L3MBTL1: variants seen among roughly 807,000 people sequenced by gnomAD.
L3MBTL1 encodes lethal(3)malignant brain tumor-like protein 1.
L3MBTL1 carries 75 observed loss-of-function variants against 105.3 expected under a neutral mutation model. The observed-to-expected ratio is 0.71, with a 90% CI of 0.59 to 0.86. The LOEUF is 0.86. L3MBTL1 is among the 40% of genes least tolerant of loss of function. The pLI is 0.00. For synonymous variants in L3MBTL1, 452 were observed against 436.2 expected, an observed-to-expected ratio of 1.04 and a Z score of -0.45; for missense variants, 1,069 against 1,126.4, an observed-to-expected ratio of 0.95 and a Z score of 0.73.
At chr20:43,517,454 C>T (rs145860780) in intron 7 of L3MBTL1, among the ~76,000 whole-genome samples, 1 of 151,800 alleles carries the variant, frequency 6.6e-6, no homozygotes, top group East Asian at 2.0e-4. Context: ...CCCAAGCTGG[C>T]GTGTAGAGCT....
rs559747978 is a variant in L3MBTL1 at position 43,528,875 on chromosome 20, A to C, written c.951+130A>C. ...GGACTGGCAGAATGGAAAGGGAGAGACTGTTTAGGGGCCCAGAGTGGAAAA... is the reference window on the plus strand; with the variant it reads ...GGACTGGCAGAATGGAAAGGGAGAGCCTGTTTAGGGGCCCAGAGTGGAAAA... On this transcript the variant is annotated intron_variant, in intron 8 of 21. Transcript: ENST00000418998. 49 of 747,258 alleles carry C rather than the reference A, an allele frequency of 6.6e-5. No individual in the cohort carries two copies. In the East Asian group the frequency reaches 1.3e-3, roughly 20 times the overall value. 46.3% of individuals were successfully genotyped at this position (747,258 alleles called of 1,614,324 possible).
intron 1 of L3MBTL1, among the ~76,000 whole-genome samples, chr20:43,512,061 T>C (rs966422438): frequency 5.3e-5 from 8 of 152,178 alleles, no homozygotes; most frequent in African/African-American, 1.9e-4. Flanking sequence ...AGTGCTTTGA[T>C]TTTACTGTAA....
chr20:43,532,706 C>A (rs2019401244), intron 11 of L3MBTL1, 67 bp from the exon 12 acceptor site: 7 of 1,545,026 alleles, frequency 4.5e-6, no homozygotes, highest in Non-Finnish European at 5.3e-6. Flanking sequence ...CCTTTGTTTG[C>A]CAATGGGCTC....
chr20:43,529,314 G>A lies in L3MBTL1; in HGVS notation c.1002G>A (p.Leu334=). The A allele has an allele frequency of 6.2e-7, 1 of 1,613,452 alleles. No individual in the cohort carries two copies. Among genetic ancestry groups the A allele is most frequent in the South Asian group, 1.1e-5 (1 of 90,678 alleles). The change falls in exon 9 of 22, where the codon TTG becomes TTA. Residue 334 remains leucine (L), a synonymous_variant. Coordinates refer to ENST00000418998, the MANE Select transcript of L3MBTL1 (RefSeq NM_001377303.1). ...NKNGFKLGMK[L]EGIDPQHPSM... ...ATGGCTTCAAACTGGGCATGAAGTT[G>A]GAAGGCATTGACCCTCAACACCCGT...
At chr20:43,521,159 T>G (rs1406627170) in intron 7 of L3MBTL1, among the ~76,000 whole-genome samples, 1 of 152,240 alleles carries the variant, frequency 6.6e-6, no homozygotes, top group Non-Finnish European at 1.5e-5. Context: ...TGGCTAATCA[T>G]GCTCTATAGG....
rs578137621 is a variant in L3MBTL1 at position 43,514,273 on chromosome 20, G to A, written c.360+212G>A. On this transcript the variant is annotated intron_variant, in intron 3 of 21. Transcript: ENST00000418998. ...CTATGGGGGCGTGGCTTGGAGTGAG[G>A]CACTCTGGGACTGGGCCTGTGGGTG... 6.9e-4 allele frequency: 545 copies of A among 784,884 alleles called. 6 individuals are homozygous for A. Among genetic ancestry groups the A allele is most frequent in the South Asian group, 5.9e-3 (322 of 54,138 alleles). The allele number at this position is 784,884 out of a possible 1,614,324, so 48.6% of individuals were successfully genotyped here.
chr20:43,532,489 C>G, intron 11 of L3MBTL1: 2 of 359,368 alleles, frequency 5.6e-6, no homozygotes, highest in South Asian at 6.4e-5. Context: ...ATACTTGGTT[C>G]ACCAGGTTCT....
rs753010315 is a variant in L3MBTL1 at position 43,528,654 on chromosome 20, C to G, written c.863-3C>G. 2 of 1,613,334 alleles carry G rather than the reference C, an allele frequency of 1.2e-6. No homozygotes were observed. The highest frequency in any genetic ancestry group is 2.2e-5 in the South Asian group (2 of 91,066). ...AGTTAGCCTGTCTGTCCCCTTTCCA[C>G]AGCAACAGGTGAGAAGAAGGAATGC... On this transcript the variant is annotated splice_region_variant and splice_polypyrimidine_tract_variant and intron_variant, in intron 7 of 21. Coordinates refer to ENST00000418998, the MANE Select transcript of L3MBTL1 (RefSeq NM_001377303.1).
chr20:43,548,060 G>A (rs895295993), intron 18 of L3MBTL1: 34 of 888,338 alleles, frequency 3.8e-5, no homozygotes, highest in Middle Eastern at 2.9e-4. Context: ...CCCCTGCCCC[G>A]TGACCCTTTC....
chr20:43,548,083 T>C (rs1388978834), intron 18 of L3MBTL1: 2 of 1,287,790 alleles, frequency 1.6e-6, no homozygotes, highest in South Asian at 1.3e-5. Context: ...CCTTCTCCAC[T>C]TTCCACCTCC....
chr20:43,509,042 C>G (rs544621158), intron 1 of L3MBTL1, among the ~76,000 whole-genome samples: 43 of 152,332 alleles, frequency 2.8e-4, no homozygotes, highest in African/African-American at 1.0e-3. Flanking sequence ...GAAACCCAGA[C>G]TCTTCTGAGT....
At position 43,514,615 on chromosome 20, in the gene L3MBTL1, C is replaced by T; in HGVS notation, c.361-20C>T. The stretch of plus-strand genomic sequence containing the variant: ...GGACCCGTACGGGAGTCGCAATCCT[C>T]AGACCCTCCCGCGCTCCAGTTCCGG... On this transcript the variant is annotated intron_variant, in intron 3 of 21. Coordinates refer to ENST00000418998, the MANE Select transcript of L3MBTL1 (RefSeq NM_001377303.1). 1 of 1,598,604 alleles carries T rather than the reference C, an allele frequency of 6.3e-7. No individual in the cohort carries two copies. Among genetic ancestry groups the T allele is most frequent in the South Asian group, 1.1e-5 (1 of 88,622 alleles).
chr20:43,515,043 T>A lies in L3MBTL1; in HGVS notation c.537T>A (p.Asn179Lys), dbSNP rs1193908864. ...DHPQNPPEDP[N>K]QDPPEDDSTC... ...CCCAGAATCCTCCAGAAGATCCCAATCAGGACCCCCCAGAGGATGATAGCA... is the reference window on the plus strand; with the variant it reads ...CCCAGAATCCTCCAGAAGATCCCAAACAGGACCCCCCAGAGGATGATAGCA... The change falls in exon 5 of 22, where the codon AAT (asparagine) becomes AAA (lysine). Residue 179 changes from asparagine to lysine, a missense_variant. Coordinates refer to ENST00000418998, the MANE Select transcript of L3MBTL1 (RefSeq NM_001377303.1). The A allele has an allele frequency of 6.2e-7, 1 of 1,613,840 alleles. No individual in the cohort carries two copies. Among genetic ancestry groups the A allele is most frequent in the Non-Finnish European group, 8.5e-7 (1 of 1,179,924 alleles).
intron 7 of L3MBTL1, among the ~76,000 whole-genome samples, chr20:43,523,855 T>A (rs2018867969): frequency 6.6e-6 from 1 of 151,758 alleles, no homozygotes. Context: ...ATTAGCTGGG[T>A]GTGGTGGCGC....
intron 19 of L3MBTL1, among the ~76,000 whole-genome samples, chr20:43,537,007 T>C (rs1175704387): frequency 6.6e-6 from 1 of 152,198 alleles, no homozygotes; most frequent in Non-Finnish European, 1.5e-5. Context: ...TTCTCTAACA[T>C]GTATATTGTT....
At chr20:43,525,114 TAA>T (rs11086880) in intron 7 of L3MBTL1, among the ~76,000 whole-genome samples, 406 of 139,022 alleles carry the variant, frequency 2.9e-3, no homozygotes, top group Admixed American at 3.1e-3. Flanking sequence ...CCTGGGGAGT[TAA>T]AAAAAAAAAA....
intron 18 of L3MBTL1, 42 bp downstream of exon 18, chr20:43,536,336 G>GT (rs749842618): frequency 1.2e-6 from 2 of 1,612,246 alleles, no homozygotes; most frequent in South Asian, 2.2e-5. Context: ...TCCTGGGGGT[G>GT]TGGGGCCTTG....
Position 43,514,123 on chromosome 20 carries a change from G to T in L3MBTL1, c.360+62G>T. 2.2e-6 allele frequency: 3 copies of T among 1,381,040 alleles called. No individual in the cohort carries two copies. In the South Asian group the frequency reaches 3.7e-5, roughly 17 times the overall value. 85.5% of individuals were successfully genotyped at this position (1,381,040 alleles called of 1,614,324 possible). A position where few individuals can be genotyped will look rare whatever the true frequency, so the allele number is the denominator to read the frequency against. ...CGCAGCCATGGGGCGGGGCTTGCAGGCCCGGAGGCTGGACCTGAGACGGAA... is the reference window on the plus strand; with the variant it reads ...CGCAGCCATGGGGCGGGGCTTGCAGTCCCGGAGGCTGGACCTGAGACGGAA... On this transcript the variant is annotated intron_variant, in intron 3 of 21. Coordinates refer to ENST00000418998, the MANE Select transcript of L3MBTL1 (RefSeq NM_001377303.1).
chr20:43,514,701 C>T lies in L3MBTL1; in HGVS notation c.427C>T (p.Arg143Trp), dbSNP rs1161853602. Reference protein sequence around the residue: ...GVEQPPSPELRQEGVTEYEDG... With the variant: ...GVEQPPSPELWQEGVTEYEDG... ...GGAGCAGCCCCCGAGCCCCGAGCTG[C>T]GGCAGGAAGGCGTGACCGAATACGA... Residue 143 changes from arginine to tryptophan, a missense_variant, in exon 4 of 22, where the codon CGG (arginine) becomes TGG (tryptophan). Physicochemically the swap from Arg to Trp is moderately radical, Grantham distance 101 (BLOSUM62 -3). Coordinates refer to ENST00000418998, the MANE Select transcript of L3MBTL1 (RefSeq NM_001377303.1). 8 of 1,584,422 alleles carry T rather than the reference C, an allele frequency of 5.0e-6. No individual in the cohort carries two copies. The highest frequency in any genetic ancestry group is 6.9e-6 in the Non-Finnish European group (8 of 1,165,744).
Sources: allele counts gnomAD v4.1 joint callset (sites outside exome capture counted in the v4.1 genomes callset), GRCh38; gene constraint gnomAD v4.1.1; transcripts MANE v1.5; gene names NCBI Gene and HGNC (gene_info 2026-07-23, HGNC 2026-07-21).